HDAC9: variants seen among roughly 807,000 people sequenced by gnomAD.
HDAC9 encodes histone deacetylase 9.
Under a neutral mutation model 139.4 loss-of-function variants are expected in HDAC9, and 41 were observed. That is an observed-to-expected ratio of 0.29 (90% confidence interval 0.23 to 0.38). The LOEUF is 0.38. Ranked by LOEUF, HDAC9 falls within the 10% of genes least tolerant of loss-of-function variation. HDAC9 has a pLI of 1.00. For synonymous variants in HDAC9, 517 were observed against 476.2 expected (o/e 1.09, Z -1.12); for missense variants, 1,147 against 1,297.0 (o/e 0.88, Z 1.78).
At chr7:18,567,347 T>C (rs922997051) in intron 2 of HDAC9, among the ~76,000 whole-genome samples, 1 of 152,226 alleles carries the variant, frequency 6.6e-6, no homozygotes, top group Non-Finnish European at 1.5e-5. Context: ...TACCTTAGCA[T>C]AGAGACAAAT....
chr7:18,124,333 A>G (rs1336860405), intron 1 of HDAC9, among the ~76,000 whole-genome samples: 1 of 152,184 alleles, frequency 6.6e-6, no homozygotes, highest in Non-Finnish European at 1.5e-5. Context: ...TAGCTTTCCA[A>G]GTGGCTGTGT....
rs560349020 is a variant in HDAC9, at chr7:18,732,730, C to T, written c.1909+4973C>T. On this transcript the variant is annotated intron_variant, in intron 13 of 25. Transcript: ENST00000686413. ...GTGTGCGTATGTGTACACACACACA[C>T]GTGTATGTGTGCGTATGTGTACACA... 3.6e-4 allele frequency among the ~76,000 whole-genome samples: 21 copies of T among 58,388 alleles called. 1 individual carries two copies. Among genetic ancestry groups the T allele is most frequent in the African/African-American group, 1.1e-3 (10 of 9,198 alleles). The allele number at this position is 58,388 out of a possible 152,430, so 38.3% of individuals were successfully genotyped here. A position where few individuals can be genotyped will look rare whatever the true frequency, so the allele number is the denominator to read the frequency against.
intron 1 of HDAC9, among the ~76,000 whole-genome samples, chr7:18,412,518 A>C (rs1788663040): frequency 6.6e-6 from 1 of 152,056 alleles, no homozygotes; most frequent in Non-Finnish European, 1.5e-5. Flanking sequence ...TATTTTTACC[A>C]TTTAGTGCCA....
At chr7:18,663,337 C>T (rs573120475) in intron 11 of HDAC9, among the ~76,000 whole-genome samples, 3 of 152,128 alleles carry the variant, frequency 2.0e-5, no homozygotes, top group African/African-American at 7.2e-5. Flanking sequence ...GGAGAAGAAT[C>T]GCAACAGAAG....
chr7:18,228,934 C>CAAG (rs1034619253), intron 2 of HDAC9, among the ~76,000 whole-genome samples: 5 of 152,120 alleles, frequency 3.3e-5, no homozygotes, highest in African/African-American at 9.7e-5. Flanking sequence ...GTGCTGAGGT[C>CAAG]AAAATCCAGT....
At chr7:18,902,606 C>G (rs1801832031) in intron 22 of HDAC9, among the ~76,000 whole-genome samples, 1 of 152,134 alleles carries the variant, frequency 6.6e-6, no homozygotes, top group South Asian at 2.1e-4. Context: ...CTGTGAGCAA[C>G]TGAAACAATT....
upstream of HDAC9, among the ~76,000 whole-genome samples, chr7:18,492,189 G>T (rs565811006): frequency 1.1e-4 from 17 of 152,002 alleles, no homozygotes; most frequent in South Asian, 3.5e-3. Context: ...GATTGTAGAC[G>T]TGAGAGATTT....
chr7:18,090,371 A>G (rs1782068014), intron 1 of HDAC9, among the ~76,000 whole-genome samples: 1 of 152,218 alleles, frequency 6.6e-6, no homozygotes, highest in Non-Finnish European at 1.5e-5. Context: ...AAGGGGATGG[A>G]TCATACTGTT....
At position 18,852,510 on chromosome 7, in the gene HDAC9, TC is replaced by T. The variant is rs146721537; in HGVS notation, c.2684+16514del. Among the ~76,000 whole-genome samples, 207 of 152,252 alleles carry T rather than the reference TC, an allele frequency of 1.4e-3. 3 individuals are homozygous for T. In the East Asian group the frequency reaches 0.034, roughly 25 times the overall value. ...AAAGAAATAATACAAAGGCAAAAATTCAAAAATAGGTACAGGGACTTGGAAA... is the reference window on the plus strand; with the variant it reads ...AAAGAAATAATACAAAGGCAAAAATTAAAAATAGGTACAGGGACTTGGAAA... On this transcript the variant is annotated intron_variant, in intron 21 of 25. Transcript: ENST00000686413.
intron 12 of HDAC9, among the ~76,000 whole-genome samples, chr7:18,723,761 T>TA (rs771864811): frequency 3.9e-5 from 6 of 152,204 alleles, no homozygotes; most frequent in Non-Finnish European, 8.8e-5. Flanking sequence ...ATGGAGTCCT[T>TA]ACGGTATCAA....
At chr7:18,099,551 C>T (rs1782717187) in intron 1 of HDAC9, among the ~76,000 whole-genome samples, 1 of 152,056 alleles carries the variant, frequency 6.6e-6, no homozygotes, top group Admixed American at 6.6e-5. Context: ...ACCAGAACAC[C>T]CTTTTGGAGT....
At chr7:18,393,088 A>C (rs1458260844) in intron 1 of HDAC9, among the ~76,000 whole-genome samples, 1 of 151,458 alleles carries the variant, frequency 6.6e-6, no homozygotes, top group Non-Finnish European at 1.5e-5. Context: ...TAAATACAAA[A>C]AAATTGCTGA....
chr7:18,150,750 C>G lies in HDAC9; in HGVS notation c.-96-11479C>G, dbSNP rs550023391. Among the ~76,000 whole-genome samples, 19 of 152,272 alleles carry G rather than the reference C, an allele frequency of 1.2e-4. No homozygotes were observed. The East Asian group carries it at 3.7e-3, about 29-fold the overall frequency. On this transcript the variant is annotated intron_variant, in intron 1 of 12. Transcript: ENST00000417496. ...AACAGGTTTTATTTTCCCAATATCA[C>G]TCGATTCTCAGACTCTTGAAGATCA...
intron 22 of HDAC9, among the ~76,000 whole-genome samples, chr7:18,914,009 G>A (rs1802967049): frequency 6.6e-6 from 1 of 151,998 alleles, no homozygotes; most frequent in Non-Finnish European, 1.5e-5. Context: ...TATCACCAAT[G>A]TTATAATGTT....
At chr7:18,303,424 T>TGTGTGTGTGTGTG (rs1562856317) in intron 1 of HDAC9, among the ~76,000 whole-genome samples, 15 of 110,580 alleles carry the variant, frequency 1.4e-4, no homozygotes, top group African/African-American at 2.0e-4. Flanking sequence ...TGTGTGTGTG[T>TGTGTGTGTGTGTG]TTTTAGTAGA....
rs1234053781 is a variant in HDAC9, at chr7:18,407,355, A to T, written c.-41-88907A>T. The stretch of plus-strand genomic sequence containing the variant: ...CAGTAAGTATAGTTGTTCATCAGGG[A>T]CAAATAATGTTGCACATTAAAATCT... On this transcript the variant is annotated intron_variant, in intron 1 of 3. Transcript: ENST00000413509. 3.3e-5 allele frequency among the ~76,000 whole-genome samples: 5 copies of T among 152,200 alleles called. No individual in the cohort carries two copies. The East Asian group carries it at 9.6e-4, about 29-fold the overall frequency.
At chr7:18,287,685 C>T (rs924532721), upstream of HDAC9, among the ~76,000 whole-genome samples, 10 of 152,242 alleles carry the variant, frequency 6.6e-5, no homozygotes, top group Non-Finnish European at 1.5e-4. Context: ...CTGCCCTGGT[C>T]TCCTTCACAT....
At chr7:18,917,642 A>G (rs2129293709) in intron 22 of HDAC9, among the ~76,000 whole-genome samples, 1 of 152,108 alleles carries the variant, frequency 6.6e-6, no homozygotes, top group Non-Finnish European at 1.5e-5. Context: ...TCCAGCAACC[A>G]TTTGCTGCTT....
At chr7:18,166,712 CCCCTG>C (rs1288770962) in intron 2 of HDAC9, among the ~76,000 whole-genome samples, 6 of 152,090 alleles carry the variant, frequency 3.9e-5, no homozygotes, top group Non-Finnish European at 5.9e-5. Context: ...AGAAGGCCTG[CCCCTG>C]TTTTTAAAAT....
Sources: gnomAD v4.1 joint callset for allele counts (sites outside exome capture counted in the v4.1 genomes callset) on GRCh38, gnomAD v4.1.1 for gene constraint, MANE v1.5 for transcripts, NCBI Gene and HGNC (gene_info 2026-07-23, HGNC 2026-07-21) for gene names.